RPSA2: variants seen among roughly 807,000 people sequenced by gnomAD.
RPSA2 encodes ribosomal protein SA 2, also known as small ribosomal subunit protein uS2B.
the RPSA2 span, among the ~76,000 whole-genome samples, chr19:23,778,847 CAT>C: frequency 1.3e-5 from 2 of 152,096 alleles, no homozygotes; most frequent in Non-Finnish European, 2.9e-5. Flanking sequence ...GCGACTGTGT[CAT>C]ATAGCTTTAC....
the RPSA2 span, among the ~76,000 whole-genome samples, chr19:23,858,981 TTTCAGGAGA>T: frequency 6.6e-6 from 1 of 152,166 alleles, no homozygotes; most frequent in Non-Finnish European, 1.5e-5. Context: ...CCCCACTCTT[TTTCAGGAGA>T]TTCAGGAGAG....
chr19:23,812,770 A>C, the RPSA2 span, among the ~76,000 whole-genome samples: 148,907 of 152,226 alleles, frequency 0.98, 72,921 homozygotes, highest in Middle Eastern at 1. Flanking sequence ...CATTTTCGTC[A>C]TGTGTTTAAT....
At chr19:23,866,436 T>C in the RPSA2 span, among the ~76,000 whole-genome samples, 1 of 152,150 alleles carries the variant, frequency 6.6e-6, no homozygotes, top group South Asian at 2.1e-4. Flanking sequence ...GAGAATGTTA[T>C]AATTATGGAA....
At chr19:23,799,398 T>C in the RPSA2 span, 1 of 152,206 alleles carries the variant, frequency 6.6e-6, no homozygotes, top group South Asian at 2.1e-4. Context: ...CCATTATAAA[T>C]AGAAACTGTG....
chr19:23,864,496 C>G, the RPSA2 span, among the ~76,000 whole-genome samples: 1 of 152,070 alleles, frequency 6.6e-6, no homozygotes, highest in East Asian at 1.9e-4. Flanking sequence ...AACACTATAA[C>G]AGTGCAAATA....
the RPSA2 span, among the ~76,000 whole-genome samples, chr19:23,802,878 T>C: frequency 6.6e-6 from 1 of 152,196 alleles, no homozygotes; most frequent in Non-Finnish European, 1.5e-5. Flanking sequence ...ATTTTCTTTA[T>C]ATTGTTAAGA....
the RPSA2 span, among the ~76,000 whole-genome samples, chr19:23,759,684 C>T: frequency 4.0e-5 from 6 of 151,700 alleles, no homozygotes; most frequent in African/African-American, 2.4e-5. Flanking sequence ...CCACCATGCC[C>T]GGCTAATTTT....
chr19:23,761,062 A>ATG, the RPSA2 span, among the ~76,000 whole-genome samples: 4 of 118,902 alleles, frequency 3.4e-5, no homozygotes, highest in African/African-American at 1.3e-4. Context: ...GTATATATAT[A>ATG]TATGTTTGTG....
chr19:23,760,628 T>C, the RPSA2 span, among the ~76,000 whole-genome samples: 1 of 149,236 alleles, frequency 6.7e-6, no homozygotes, highest in Non-Finnish European at 1.5e-5. Flanking sequence ...ACTTTTCTTC[T>C]GTGCTTAAAT....
At chr19:23,832,863 A>T in the RPSA2 span, 3 of 1,578,992 alleles carry the variant, frequency 1.9e-6, 1 homozygote, top group Non-Finnish European at 2.6e-6. Context: ...CACATAAGAG[A>T]ATTCATACTG....
the RPSA2 span, among the ~76,000 whole-genome samples, chr19:23,787,470 A>G: frequency 6.6e-6 from 1 of 151,816 alleles, no homozygotes; most frequent in South Asian, 2.1e-4. Context: ...GCAGCCAGCC[A>G]TGGTGACTGG....
At chr19:23,793,230 T>C in the RPSA2 span, among the ~76,000 whole-genome samples, 15 of 124,348 alleles carry the variant, frequency 1.2e-4, no homozygotes, top group East Asian at 9.5e-4. Context: ...TTTTTTTTTT[T>C]CCCTTAAAGT....
chr19:23,858,091 C>T, the RPSA2 span, among the ~76,000 whole-genome samples: 1 of 137,602 alleles, frequency 7.3e-6, no homozygotes, highest in Admixed American at 8.0e-5. Context: ...GTATAAGTTT[C>T]TTGAGTATAA....
chr19:23,800,198 T>A, the RPSA2 span, among the ~76,000 whole-genome samples: 13 of 5,850 alleles, frequency 2.2e-3, no homozygotes, highest in South Asian at 0.17. Context: ...CCGTCTTTTT[T>A]ATTTTATTTT....
the RPSA2 span, among the ~76,000 whole-genome samples, chr19:23,770,177 C>G: frequency 7.1e-4 from 2 of 2,836 alleles, no homozygotes; most frequent in African/African-American, 7.4e-4. Context: ...TGGGCCCTCC[C>G]CATAAAGGTA....
the RPSA2 span, among the ~76,000 whole-genome samples, chr19:23,858,794 T>C: frequency 6.6e-6 from 1 of 152,326 alleles, no homozygotes; most frequent in East Asian, 1.9e-4. Context: ...TGCTGGCAAA[T>C]GCTCCGTTTG....
chr19:23,761,910 T>TCC, the RPSA2 span, among the ~76,000 whole-genome samples: 6 of 93,540 alleles, frequency 6.4e-5, no homozygotes, highest in Admixed American at 5.6e-4. Context: ...AATTCTTTCT[T>TCC]TCTTTCTTTC....
chr19:23,840,917 G>A, the RPSA2 span, among the ~76,000 whole-genome samples: 2 of 140,776 alleles, frequency 1.4e-5, no homozygotes, highest in Admixed American at 7.4e-5. Context: ...AGCCAAGATT[G>A]CACCATTGCA....
the RPSA2 span, among the ~76,000 whole-genome samples, chr19:23,762,512 C>T: frequency 6.6e-6 from 1 of 151,496 alleles, no homozygotes; most frequent in East Asian, 2.0e-4. Context: ...CTCATCTCTA[C>T]TAAAAATACA....
Sources: allele counts gnomAD v4.1 joint callset (sites outside exome capture counted in the v4.1 genomes callset), GRCh38; gene constraint gnomAD v4.1.1; transcripts MANE v1.5; gene names NCBI Gene and HGNC (gene_info 2026-07-23, HGNC 2026-07-21).